The following FAM78B variants were observed in gnomAD, a reference collection of about 807,000 sequenced individuals.
FAM78B encodes the protein protein FAM78B.
In FAM78B, 10 loss-of-function variants were observed where a neutral mutation model predicts 20.0. That is an observed-to-expected ratio of 0.50 (90% CI 0.31 to 0.85). FAM78B has a LOEUF of 0.85. Ranked by LOEUF, FAM78B falls within the 40% of genes least tolerant of loss-of-function variation. FAM78B has a pLI of 0.05. For missense variants in FAM78B, 283 were observed against 345.0 expected (o/e 0.82, Z 1.42); for synonymous variants, 135 against 132.8 (o/e 1.02, Z -0.12).
At chr1:166,063,680 G>T (rs1185356919) in intron 2 of FAM78B, among the ~76,000 whole-genome samples, 1 of 152,086 alleles carries the variant, frequency 6.6e-6, no homozygotes, top group Non-Finnish European at 1.5e-5. Context: ...AGTAATGCTG[G>T]CCCTAGGCTC....
chr1:166,060,454 A>G (rs907097848), exon 3 of FAM78B: 14 of 501,936 alleles, frequency 2.8e-5, no homozygotes, highest in Non-Finnish European at 4.7e-5. Flanking sequence ...GCCCAGGGCA[A>G]GTGCCACATG....
chr1:166,166,353 C>A lies in FAM78B; in HGVS notation c.-105G>T. 1 of 980,184 alleles carries A rather than the reference C, an allele frequency of 1.0e-6. No homozygotes were observed. The highest frequency in any genetic ancestry group is 4.8e-5 in the South Asian group (1 of 20,996). 60.7% of individuals were successfully genotyped at this position (980,184 alleles called of 1,614,324 possible). ...GGCATGGCGACGCGCCGCTCGCTCC[C>A]GGTCAGACTCAGCTCGCACCTAGGA... On this transcript the variant is annotated 5_prime_UTR_variant, in exon 1 of 2. Coordinates refer to ENST00000354422, the MANE Select transcript of FAM78B (RefSeq NM_001017961.5).
chr1:166,074,199 C>T (rs897692964), intron 1 of FAM78B, among the ~76,000 whole-genome samples: 1 of 152,218 alleles, frequency 6.6e-6, no homozygotes, highest in Non-Finnish European at 1.5e-5. Context: ...CTTAACAGGA[C>T]ATACATGGCT....
chr1:166,094,620 G>C lies in FAM78B; in HGVS notation c.264-23857C>G, dbSNP rs143542815. On this transcript the variant is annotated intron_variant, in intron 1 of 1. Transcript: ENST00000354422. ...CTTAGAAGACTGATAATGCAGGAGT[G>C]CCCTATAGATGTGGAGACAGAATGT... Among the ~76,000 whole-genome samples, 280 of 152,338 alleles carry C rather than the reference G, an allele frequency of 1.8e-3. 2 individuals carry two copies. The highest frequency in any genetic ancestry group is 6.4e-3 in the African/African-American group (265 of 41,576).
chr1:166,077,948 TTA>T (rs1182469916), intron 1 of FAM78B, among the ~76,000 whole-genome samples: 583 of 10,770 alleles, frequency 0.054, 86 homozygotes, highest in African/African-American at 0.18. Flanking sequence ...TATATATAAT[TTA>T]TATATATAAT....
chr1:166,090,875 G>A (rs1292179643), intron 1 of FAM78B, among the ~76,000 whole-genome samples: 1 of 152,210 alleles, frequency 6.6e-6, no homozygotes, highest in African/African-American at 2.4e-5. Context: ...CTTACTCTGT[G>A]CAGGTATTGC....
In FAM78B at chr1:166,093,676, A is replaced by T. The variant is rs1653163265; in HGVS notation, c.264-22913T>A. ...AGTATTTCAGGGCAATTCTTTGCAGAATAAAAGAATTCTGATCAGCCGAGG... is the reference window on the plus strand; with the variant it reads ...AGTATTTCAGGGCAATTCTTTGCAGTATAAAAGAATTCTGATCAGCCGAGG... On this transcript the variant is annotated intron_variant, in intron 1 of 1. Transcript: ENST00000354422. 3.3e-5 allele frequency among the ~76,000 whole-genome samples: 5 copies of T among 152,330 alleles called. No individual in the cohort carries two copies. In the South Asian group the frequency reaches 1.0e-3, roughly 32 times the overall value.
intron 1 of FAM78B, among the ~76,000 whole-genome samples, chr1:166,144,186 A>G (rs953962165): frequency 3.9e-5 from 6 of 152,048 alleles, no homozygotes; most frequent in Non-Finnish European, 8.8e-5. Context: ...TGAACGCCAA[A>G]CTCTAAATTT....
chr1:166,140,457 G>A (rs1442337311), intron 1 of FAM78B, among the ~76,000 whole-genome samples: 5 of 152,162 alleles, frequency 3.3e-5, no homozygotes, highest in African/African-American at 7.2e-5. Context: ...ACAGGGCTTC[G>A]GGCCTTCAGG....
At chr1:166,160,175 G>A (rs1656088587) in intron 1 of FAM78B, among the ~76,000 whole-genome samples, 1 of 152,186 alleles carries the variant, frequency 6.6e-6, no homozygotes, top group African/African-American at 2.4e-5. Flanking sequence ...CCAACTGTGT[G>A]ACCATCTCTA....
At chr1:166,072,815 G>A (rs145468924) in intron 1 of FAM78B, among the ~76,000 whole-genome samples, 3 of 152,258 alleles carry the variant, frequency 2.0e-5, no homozygotes, top group Non-Finnish European at 4.4e-5. Flanking sequence ...TTACTGTGGC[G>A]TATTGCCTGG....
intron 1 of FAM78B, among the ~76,000 whole-genome samples, chr1:166,088,128 C>T (rs73023465): frequency 1.3e-5 from 2 of 152,272 alleles, no homozygotes; most frequent in South Asian, 2.1e-4. Flanking sequence ...TGGCTTTTGT[C>T]CCTGGATGGA....
chr1:166,067,915 A>C (rs1651861939), downstream of FAM78B, among the ~76,000 whole-genome samples: 1 of 152,194 alleles, frequency 6.6e-6, no homozygotes, highest in Non-Finnish European at 1.5e-5. Context: ...TTTTCATGGG[A>C]AACAAGCCTA....
intron 1 of FAM78B, among the ~76,000 whole-genome samples, chr1:166,090,601 G>A (rs1653028876): frequency 1.3e-5 from 2 of 152,174 alleles, no homozygotes; most frequent in South Asian, 4.1e-4. Context: ...CCACCTCAGA[G>A]ATATGGCTCA....
chr1:166,099,774 A>G (rs1018721329), intron 1 of FAM78B, among the ~76,000 whole-genome samples: 3 of 152,220 alleles, frequency 2.0e-5, no homozygotes, highest in African/African-American at 7.2e-5. Flanking sequence ...CAAATTTATA[A>G]AACAATTACT....
At chr1:166,079,391 C>A (rs541706559) in intron 1 of FAM78B, among the ~76,000 whole-genome samples, 1 of 152,316 alleles carries the variant, frequency 6.6e-6, no homozygotes, top group Non-Finnish European at 1.5e-5. Context: ...CCTAAACATA[C>A]CTCCAGAGTC....
chr1:166,164,442 A>G lies in FAM78B; in HGVS notation c.263+1544T>C, dbSNP rs72703958. On this transcript the variant is annotated intron_variant, in intron 1 of 1. Coordinates refer to ENST00000354422, the MANE Select transcript of FAM78B (RefSeq NM_001017961.5). The stretch of plus-strand genomic sequence containing the variant: ...CTTTTGAGGGTATGTCAGTTTTTAA[A>G]TGGCATGATTCGCCCCAAATAAAAT... 2.8e-3 allele frequency among the ~76,000 whole-genome samples: 429 copies of G among 152,368 alleles called. 4 individuals carry two copies. Among genetic ancestry groups the G allele is most frequent in the Middle Eastern group, 6.8e-3 (2 of 294 alleles).
chr1:166,094,144 A>T (rs1286178668), intron 1 of FAM78B, among the ~76,000 whole-genome samples: 1 of 151,986 alleles, frequency 6.6e-6, no homozygotes, highest in Non-Finnish European at 1.5e-5. Flanking sequence ...GAAGCACCGA[A>T]TGCAACCCCG....
intron 2 of FAM78B, chr1:166,060,713 A>G (rs1651559900): frequency 8.9e-7 from 1 of 1,121,422 alleles, no homozygotes; most frequent in South Asian, 1.4e-5. Context: ...TAAGACAGTG[A>G]TCAAAGAAAT....
Sources: allele counts gnomAD v4.1 joint callset (sites outside exome capture counted in the v4.1 genomes callset), GRCh38; gene constraint gnomAD v4.1.1; transcripts MANE v1.5; gene names NCBI Gene and HGNC (gene_info 2026-07-23, HGNC 2026-07-21).